Variants in PRELID2 observed in about 807,000 individuals in gnomAD.
The protein encoded by PRELID2 is PRELI domain-containing protein 2.
A neutral mutation model predicts 28.4 loss-of-function variants in PRELID2; 25 were observed. The observed-to-expected ratio is 0.88, with a 90% CI of 0.64 to 1.23. The LOEUF (loss-of-function observed/expected upper bound fraction) is 1.23. Ranked by LOEUF, PRELID2 falls within the 50% of genes most tolerant of loss-of-function variation. The pLI is 0.00. For synonymous variants in PRELID2, 76 were observed against 71.6 expected (o/e 1.06, Z -0.31); for missense variants, 201 against 214.4 (o/e 0.94, Z 0.39).
intron 5 of PRELID2, among the ~76,000 whole-genome samples, chr5:145,791,111 A>G (rs893485103): frequency 1.3e-5 from 2 of 152,090 alleles, no homozygotes; most frequent in South Asian, 4.1e-4. Context: ...ACAGTTCCAC[A>G]TGGCTAGGGA....
the PRELID2 span, among the ~76,000 whole-genome samples, chr5:145,407,010 G>A: frequency 2.0e-5 from 3 of 152,098 alleles, no homozygotes; most frequent in Non-Finnish European, 4.4e-5. Flanking sequence ...ATTAGGGTGG[G>A]GTCACAGGTT....
intron 1 of PRELID2, among the ~76,000 whole-genome samples, chr5:145,553,171 G>T (rs1159657238): frequency 6.9e-6 from 1 of 145,526 alleles, no homozygotes; most frequent in African/African-American, 2.6e-5. Context: ...ATATATACCA[G>T]TTGCTAGAGG....
At chr5:145,580,798 T>C (rs539409645) in intron 1 of PRELID2, among the ~76,000 whole-genome samples, 1 of 152,140 alleles carries the variant, frequency 6.6e-6, no homozygotes, top group South Asian at 2.1e-4. Context: ...ATCCAGGATA[T>C]CCACCCGAAG....
chr5:145,522,729 C>G (rs1302958180), intron 1 of PRELID2, among the ~76,000 whole-genome samples: 1 of 150,224 alleles, frequency 6.7e-6, no homozygotes, highest in Non-Finnish European at 1.5e-5. Flanking sequence ...CCAGAAATAA[C>G]TTGAAGCAAT....
chr5:145,412,930 C>G, the PRELID2 span, among the ~76,000 whole-genome samples: 1 of 152,096 alleles, frequency 6.6e-6, no homozygotes, highest in East Asian at 1.9e-4. Flanking sequence ...ATAAAACCAT[C>G]AGATCTCATG....
chr5:145,409,119 A>G, the PRELID2 span, among the ~76,000 whole-genome samples: 1 of 152,230 alleles, frequency 6.6e-6, no homozygotes, highest in African/African-American at 2.4e-5. Flanking sequence ...CAGCAAAACT[A>G]AGCTTCATAA....
chr5:145,747,308 A>G (rs1757017661), intron 1 of PRELID2, among the ~76,000 whole-genome samples: 1 of 152,080 alleles, frequency 6.6e-6, no homozygotes, highest in Non-Finnish European at 1.5e-5. Context: ...AAAAGAGAAG[A>G]ATCAAATAGA....
At chr5:145,424,385 G>A in the PRELID2 span, among the ~76,000 whole-genome samples, 490 of 152,344 alleles carry the variant, frequency 3.2e-3, 4 homozygotes, top group African/African-American at 0.011. Context: ...AGCAATCAGC[G>A]AGACTCCGTG....
chr5:145,376,031 T>G, the PRELID2 span, among the ~76,000 whole-genome samples: 1 of 152,172 alleles, frequency 6.6e-6, no homozygotes, highest in Non-Finnish European at 1.5e-5. Context: ...GGGCTGTGGG[T>G]TTGTCACAGA....
the PRELID2 span, among the ~76,000 whole-genome samples, chr5:145,334,164 C>T: frequency 3.3e-5 from 5 of 152,262 alleles, no homozygotes; most frequent in Admixed American, 2.6e-4. Context: ...GCAGAAATCA[C>T]CCACTTTCTG....
chr5:145,406,374 G>T, the PRELID2 span, among the ~76,000 whole-genome samples: 1 of 152,098 alleles, frequency 6.6e-6, no homozygotes, highest in Non-Finnish European at 1.5e-5. Context: ...CAAAAGGATG[G>T]CTCTCATGTC....
intron 5 of PRELID2, among the ~76,000 whole-genome samples, chr5:145,770,124 T>C (rs1244237356): frequency 1.3e-5 from 2 of 152,240 alleles, no homozygotes. Flanking sequence ...GTATAGCACA[T>C]ATAATTATAA....
At chr5:145,420,163 G>A in the PRELID2 span, among the ~76,000 whole-genome samples, 1 of 152,088 alleles carries the variant, frequency 6.6e-6, no homozygotes, top group Non-Finnish European at 1.5e-5. Context: ...GTCAGGTAGT[G>A]TGATGCCTCC....
chr5:145,396,985 T>C, the PRELID2 span, among the ~76,000 whole-genome samples: 2 of 152,034 alleles, frequency 1.3e-5, no homozygotes, highest in Non-Finnish European at 2.9e-5. Context: ...TGAAAGAACT[T>C]ATACACAGAA....
At chr5:145,584,036 C>A (rs1459132620) in intron 1 of PRELID2, among the ~76,000 whole-genome samples, 1 of 152,106 alleles carries the variant, frequency 6.6e-6, no homozygotes, top group Non-Finnish European at 1.5e-5. Flanking sequence ...CAACTTCAAA[C>A]TACACTGCAA....
chr5:145,617,250 G>A (rs1217898728), intron 1 of PRELID2, among the ~76,000 whole-genome samples: 2 of 152,226 alleles, frequency 1.3e-5, no homozygotes, highest in African/African-American at 4.8e-5. Flanking sequence ...CTCAGCTTAT[G>A]AAGATGACAG....
the PRELID2 span, among the ~76,000 whole-genome samples, chr5:145,378,476 T>C: frequency 3.9e-5 from 6 of 152,294 alleles, no homozygotes; most frequent in East Asian, 1.2e-3. Flanking sequence ...AGAGGTTTTG[T>C]TCATTTCTTG....
intron 1 of PRELID2, among the ~76,000 whole-genome samples, chr5:145,604,904 T>TATATATATATATATATATA (rs1176131792): frequency 1.4e-5 from 2 of 138,080 alleles, no homozygotes; most frequent in African/African-American, 5.5e-5. Context: ...TATATATATA[T>TATATATATATATATATATA]TCTATTGAAT....
intron 1 of PRELID2, among the ~76,000 whole-genome samples, chr5:145,608,027 T>C (rs1283054833): frequency 6.7e-6 from 1 of 149,692 alleles, no homozygotes; most frequent in Non-Finnish European, 1.5e-5. Flanking sequence ...CCATCGTTGT[T>C]GATTTAAAGC....
Sources: allele counts gnomAD v4.1 joint callset (sites outside exome capture counted in the v4.1 genomes callset), GRCh38; gene constraint gnomAD v4.1.1; transcripts MANE v1.5; gene names NCBI Gene and HGNC (gene_info 2026-07-23, HGNC 2026-07-21).